Variants in VWA8 observed in about 807,000 individuals in gnomAD.
VWA8 encodes von Willebrand factor A domain containing 8, also known as von Willebrand factor A domain-containing protein 8.
In VWA8, 221 loss-of-function variants were observed where a neutral mutation model predicts 241.5. That is an observed-to-expected ratio of 0.91 (90% CI 0.82 to 1.02). The LOEUF is 1.02. Among genes scored for constraint, VWA8 ranks in the 50% least tolerant of loss-of-function variants. The pLI is 0.00. For missense variants in VWA8, 2,322 were observed against 2,328.7 expected, an observed-to-expected ratio of 1.00 and a Z score of 0.06; for synonymous variants, 852 against 827.1, an observed-to-expected ratio of 1.03 and a Z score of -0.52.
rs1349357191 is a variant in VWA8, at chr13:41,703,427, T to C, written c.3117-16A>G. On this transcript the variant is annotated splice_polypyrimidine_tract_variant and intron_variant, in intron 26 of 44. Transcript: ENST00000379310. ...CAGAGTCAACCTGTTAAGGATGATT[T>C]GCAAAGTAAATATTTCTTATTGTAC... The C allele has an allele frequency of 6.2e-7, 1 of 1,609,800 alleles. No individual in the cohort carries two copies. The highest frequency in any genetic ancestry group is 1.7e-5 in the Admixed American group (1 of 59,802).
chr13:41,870,447 T>G (rs1191310744), intron 9 of VWA8, among the ~76,000 whole-genome samples: 1 of 152,086 alleles, frequency 6.6e-6, no homozygotes, highest in Non-Finnish European at 1.5e-5. Context: ...AAGACCAGCC[T>G]GGCCAACATG....
chr13:41,953,436 G>T (rs911648219), intron 1 of VWA8, among the ~76,000 whole-genome samples: 3 of 152,170 alleles, frequency 2.0e-5, no homozygotes, highest in Non-Finnish European at 4.4e-5. Flanking sequence ...TGATCAGAAT[G>T]CATATCCTTT....
intron 43 of VWA8, among the ~76,000 whole-genome samples, chr13:41,572,182 TCAGCCCCCGCCCCGC>T (rs1376276701): frequency 2.0e-5 from 3 of 147,772 alleles, no homozygotes; most frequent in Non-Finnish European, 3.0e-5. Context: ...AGGTGGGGGG[TCAGCCCCCGCCCCGC>T]CAGCCGCCCC....
chr13:41,719,150 A>G (rs961784669), intron 26 of VWA8, among the ~76,000 whole-genome samples: 4 of 152,024 alleles, frequency 2.6e-5, no homozygotes, highest in Non-Finnish European at 5.9e-5. Context: ...GTAACCAAAA[A>G]TCTCTCTAGT....
intron 12 of VWA8, chr13:41,864,469 T>G: frequency 6.0e-6 from 2 of 334,722 alleles, no homozygotes; most frequent in South Asian, 5.1e-5. Flanking sequence ...AAGAGTGGTA[T>G]AGACATACAA....
chr13:41,682,567 CA>C, intron 35 of VWA8, among the ~76,000 whole-genome samples: 2 of 152,106 alleles, frequency 1.3e-5, no homozygotes, highest in South Asian at 4.1e-4. Context: ...GGCAACATGG[CA>C]AAACCCTGTC....
chr13:41,672,465 A>C (rs1039802417), intron 36 of VWA8, among the ~76,000 whole-genome samples: 2 of 152,216 alleles, frequency 1.3e-5, no homozygotes, highest in Non-Finnish European at 2.9e-5. Flanking sequence ...GATATTTTCT[A>C]TATGAAATAA....
At chr13:41,920,229 C>A (rs1037996243) in intron 2 of VWA8, among the ~76,000 whole-genome samples, 1 of 152,116 alleles carries the variant, frequency 6.6e-6, no homozygotes, top group African/African-American at 2.4e-5. Context: ...GATTCTAGGT[C>A]CCAAATTGCA....
chr13:41,749,723 G>A (rs761821118), intron 21 of VWA8, among the ~76,000 whole-genome samples: 4 of 152,188 alleles, frequency 2.6e-5, no homozygotes, highest in East Asian at 3.9e-4. Context: ...GATGAAGCTC[G>A]AAACCATCAT....
chr13:41,634,150 G>A (rs2044742458), intron 37 of VWA8, among the ~76,000 whole-genome samples: 1 of 152,180 alleles, frequency 6.6e-6, no homozygotes, highest in African/African-American at 2.4e-5. Context: ...GGGGAGAGGA[G>A]AGAACACTAC....
intron 2 of VWA8, among the ~76,000 whole-genome samples, chr13:41,942,152 G>T (rs1277595487): frequency 6.6e-6 from 1 of 152,080 alleles, no homozygotes; most frequent in Non-Finnish European, 1.5e-5. Context: ...TAACAACTTG[G>T]TGAAGAATTT....
At chr13:41,615,933 C>T (rs1252631011) in intron 37 of VWA8, among the ~76,000 whole-genome samples, 1 of 152,192 alleles carries the variant, frequency 6.6e-6, no homozygotes, top group African/African-American at 2.4e-5. Flanking sequence ...GCAATGATTT[C>T]CCAGAAGACA....
chr13:41,586,863 G>A (rs139941064), intron 42 of VWA8, among the ~76,000 whole-genome samples: 2 of 152,206 alleles, frequency 1.3e-5, no homozygotes, highest in African/African-American at 4.8e-5. Flanking sequence ...CTGAATTCAA[G>A]GTTGTTTGCT....
chr13:41,716,202 G>A (rs2137842780), intron 26 of VWA8, among the ~76,000 whole-genome samples: 1 of 152,098 alleles, frequency 6.6e-6, no homozygotes, highest in Admixed American at 6.6e-5. Context: ...AGATAAGGAA[G>A]AAGAGCTCCA....
intron 40 of VWA8, among the ~76,000 whole-genome samples, chr13:41,591,012 G>C (rs1380173666): frequency 6.6e-6 from 1 of 152,114 alleles, no homozygotes; most frequent in African/African-American, 2.4e-5. Flanking sequence ...TGAGTCCCTG[G>C]AGAGATGTCC....
chr13:41,719,755 A>C lies in VWA8; in HGVS notation c.2965-13T>G. 1.2e-6 allele frequency: 2 copies of C among 1,604,022 alleles called. No individual in the cohort carries two copies. The highest frequency in any genetic ancestry group is 2.7e-5 in the African/African-American group (2 of 74,524). On this transcript the variant is annotated splice_polypyrimidine_tract_variant and intron_variant, in intron 25 of 44. Transcript: ENST00000379310. ...CAGTCGGAAATTTCTGTATTAAAAA[A>C]AAATTCCCTTATTATGCATGTGATA...
intron 21 of VWA8, among the ~76,000 whole-genome samples, chr13:41,739,827 G>GTTTTTTT (rs779464048): frequency 4.5e-5 from 4 of 88,986 alleles, no homozygotes; most frequent in Non-Finnish European, 1.0e-4. Context: ...TTGTTTTTTT[G>GTTTTTTT]TTTTTTTTTT....
chr13:41,821,139 A>G (rs908173975), intron 14 of VWA8, among the ~76,000 whole-genome samples: 6 of 152,200 alleles, frequency 3.9e-5, no homozygotes, highest in African/African-American at 1.4e-4. Flanking sequence ...TAGAACTAAA[A>G]GAACAACTAA....
chr13:41,722,931 C>T (rs1356399511), intron 24 of VWA8, among the ~76,000 whole-genome samples: 1 of 152,132 alleles, frequency 6.6e-6, no homozygotes, highest in East Asian at 1.9e-4. Flanking sequence ...GGGAGACATA[C>T]TGTGTAGGAC....
Sources: allele counts gnomAD v4.1 joint callset (sites outside exome capture counted in the v4.1 genomes callset), GRCh38; gene constraint gnomAD v4.1.1; transcripts MANE v1.5; gene names NCBI Gene and HGNC (gene_info 2026-07-23, HGNC 2026-07-21).